SEC22C: variants seen among roughly 807,000 people sequenced by gnomAD.
The protein encoded by SEC22C is SEC22 homolog C, vesicle trafficking protein, also known as vesicle-trafficking protein SEC22c.
Under a neutral mutation model 34.7 loss-of-function variants are expected in SEC22C, and 29 were observed. The ratio of observed to expected loss-of-function variants is 0.84; its 90% CI spans 0.62 to 1.14. SEC22C has a LOEUF of 1.14. SEC22C is among the 50% of genes most tolerant of loss of function. The probability of loss-of-function intolerance (pLI) is 0.00; values close to 1 mark genes in which losing one functional copy is unlikely to be tolerated. For missense variants in SEC22C, 337 were observed against 369.0 expected (o/e 0.91, Z 0.71); for synonymous variants, 117 against 132.8 (o/e 0.88, Z 0.82).
At chr3:42,557,406 G>A (rs1702591012) in intron 5 of SEC22C, among the ~76,000 whole-genome samples, 172 bp downstream of exon 5, 1 of 152,052 alleles carries the variant, frequency 6.6e-6, no homozygotes, top group Non-Finnish European at 1.5e-5. Context: ...AGACATAAAA[G>A]AGCAACCTTC....
At chr3:42,568,475 A>G (rs746433436) in intron 2 of SEC22C, among the ~76,000 whole-genome samples, 16 of 151,920 alleles carry the variant, frequency 1.1e-4, no homozygotes, top group Non-Finnish European at 1.9e-4. Flanking sequence ...GTGAAACCCC[A>G]TCTCTACTAA....
intron 1 of SEC22C, among the ~76,000 whole-genome samples, chr3:42,588,295 C>T (rs995297603): frequency 2.0e-5 from 3 of 151,712 alleles, no homozygotes; most frequent in African/African-American, 7.3e-5. Context: ...TCCCAGACTA[C>T]TCGGGAGGCT....
At chr3:42,556,253 C>T (rs569612632) in intron 5 of SEC22C, among the ~76,000 whole-genome samples, 223 of 152,204 alleles carry the variant, frequency 1.5e-3, no homozygotes, top group Non-Finnish European at 2.9e-3. Flanking sequence ...CCAATCCCTC[C>T]ACCTCTCAGA....
At chr3:42,581,784 C>T (rs956348008) in intron 1 of SEC22C, 62 bp downstream of exon 1, 2 of 152,470 alleles carry the variant, frequency 1.3e-5, no homozygotes, top group African/African-American at 4.8e-5. Flanking sequence ...CTGCGCCACA[C>T]CCTAACCCGC....
Position 42,552,246 on chromosome 3 carries a change from G to C in SEC22C, c.*1002C>G, listed in dbSNP as rs1340559812. 24 of 985,274 alleles carry C rather than the reference G, an allele frequency of 2.4e-5. No homozygotes were observed. The highest frequency in any genetic ancestry group is 2.5e-5 in the Non-Finnish European group (21 of 829,922). 61.0% of individuals were successfully genotyped at this position (985,274 alleles called of 1,614,324 possible). A position where few individuals can be genotyped will look rare whatever the true frequency, so the allele number is the denominator to read the frequency against. On this transcript the variant is annotated 3_prime_UTR_variant, in exon 7 of 7. Transcript: ENST00000264454. ...GGCCCTCAAGCTAATTAAGATGACT[G>C]GGAAAGGTGCAGAGGAGTAATTAAT...
intron 1 of SEC22C, among the ~76,000 whole-genome samples, chr3:42,598,930 T>TATCAC (rs1553652182): frequency 7.0e-6 from 1 of 143,300 alleles, no homozygotes; most frequent in Non-Finnish European, 1.5e-5. Context: ...TATAGATCTA[T>TATCAC]AGATATCTAG....
chr3:42,595,799 AGAGAT>A (rs1472088311), intron 1 of SEC22C, among the ~76,000 whole-genome samples: 1 of 152,182 alleles, frequency 6.6e-6, no homozygotes, highest in Non-Finnish European at 1.5e-5. Context: ...TAAATAGTGA[AGAGAT>A]AACTCATTTT....
At chr3:42,560,516 GAAA>G (rs758397738) in intron 4 of SEC22C, among the ~76,000 whole-genome samples, 3 of 115,044 alleles carry the variant, frequency 2.6e-5, no homozygotes, top group Admixed American at 9.0e-5. Flanking sequence ...GTCTCTATTT[GAAA>G]AAAAAAAAAA....
At chr3:42,554,184 G>A (rs952865929) in intron 6 of SEC22C, among the ~76,000 whole-genome samples, 1 of 152,068 alleles carries the variant, frequency 6.6e-6, no homozygotes. Context: ...ATCCAACCAG[G>A]AACACAGTTG....
intron 4 of SEC22C, among the ~76,000 whole-genome samples, chr3:42,559,811 CTT>C (rs994246274): frequency 6.6e-6 from 1 of 152,090 alleles, no homozygotes; most frequent in Non-Finnish European, 1.5e-5. Flanking sequence ...AAAAATCATA[CTT>C]TGTTATGTGA....
intron 2 of SEC22C, among the ~76,000 whole-genome samples, chr3:42,566,414 C>T (rs1329984658): frequency 2.6e-5 from 4 of 152,146 alleles, no homozygotes; most frequent in South Asian, 4.1e-4. Flanking sequence ...CGGTGGCTCA[C>T]GCCTGTAATC....
At chr3:42,589,057 G>A (rs1386898427) in intron 1 of SEC22C, among the ~76,000 whole-genome samples, 1 of 151,962 alleles carries the variant, frequency 6.6e-6, no homozygotes, top group East Asian at 1.9e-4. Flanking sequence ...GAGGTCAGGA[G>A]TTCAAGACTA....
At chr3:42,593,972 C>G (rs1448341527) in intron 1 of SEC22C, among the ~76,000 whole-genome samples, 1 of 152,106 alleles carries the variant, frequency 6.6e-6, no homozygotes, top group Non-Finnish European at 1.5e-5. Flanking sequence ...AAAGGTATAG[C>G]CATAAGAGGT....
rs79454170 is a variant in SEC22C, at chr3:42,575,033, A to G, written c.-27-5960T>C. Among the ~76,000 whole-genome samples the G allele has an allele frequency of 6.6e-4, 100 of 152,304 alleles. 1 individual carries two copies. In the East Asian group the frequency reaches 0.018, roughly 27 times the overall value. ...ATTTTTTAAAAGATATATTTTGTAC[A>G]GACAGGATCTTGCTATGTTGCCACA... On this transcript the variant is annotated intron_variant, in intron 1 of 6. Coordinates refer to ENST00000264454, the MANE Select transcript of SEC22C (RefSeq NM_032970.4).
At chr3:42,588,226 A>AC (rs377497895) in intron 1 of SEC22C, among the ~76,000 whole-genome samples, 1 of 151,426 alleles carries the variant, frequency 6.6e-6, no homozygotes, top group South Asian at 2.1e-4. Flanking sequence ...ACATAGAGAA[A>AC]CCCCATCTCT....
chr3:42,577,743 G>C lies in SEC22C; in HGVS notation c.-28+4103C>G, dbSNP rs112563898. The stretch of plus-strand genomic sequence containing the variant: ...CCAGCACTTTGGCAGGCTGAGGTGA[G>C]TGGATCACCTGAGGTTAAGGGTTCG... On this transcript the variant is annotated intron_variant, in intron 1 of 6. Transcript: ENST00000264454. 6.8e-3 allele frequency among the ~76,000 whole-genome samples: 1,040 copies of C among 152,298 alleles called. 12 individuals carry two copies. Among genetic ancestry groups the C allele is most frequent in the African/African-American group, 0.023 (975 of 41,556 alleles).
At chr3:42,598,163 A>G (rs1705086828) in intron 1 of SEC22C, among the ~76,000 whole-genome samples, 1 of 152,216 alleles carries the variant, frequency 6.6e-6, no homozygotes, top group Admixed American at 6.5e-5. Context: ...GCCAAAAGGT[A>G]GAAGCAATCT....
At chr3:42,593,958 G>A (rs1315934269) in intron 1 of SEC22C, among the ~76,000 whole-genome samples, 2 of 152,176 alleles carry the variant, frequency 1.3e-5, no homozygotes, top group African/African-American at 4.8e-5. Context: ...AGTATTCAGT[G>A]AACAAAGGTA....
chr3:42,587,706 A>G (rs1383121866), intron 1 of SEC22C: 1 of 152,188 alleles, frequency 6.6e-6, no homozygotes, highest in East Asian at 1.9e-4. Context: ...ACAGCACTCC[A>G]GCCTGGGCGA....
Sources: gnomAD v4.1 joint callset for allele counts (sites outside exome capture counted in the v4.1 genomes callset) on GRCh38, gnomAD v4.1.1 for gene constraint, MANE v1.5 for transcripts, NCBI Gene and HGNC (gene_info 2026-07-23, HGNC 2026-07-21) for gene names.